The following SNX14 variants were observed in gnomAD, a reference collection of about 807,000 sequenced individuals.
The protein encoded by SNX14 is sorting nexin 14, also known as sorting nexin-14.
SNX14 carries 93 observed loss-of-function variants against 133.8 expected under a neutral mutation model. That is an observed-to-expected ratio of 0.70 (90% CI 0.59 to 0.83). SNX14 has a LOEUF of 0.83. Ranked by LOEUF, SNX14 falls within the 40% of genes least tolerant of loss-of-function variation. SNX14 has a pLI of 0.00. For synonymous variants in SNX14, 368 were observed against 365.6 expected (o/e 1.01, Z -0.07); for missense variants, 945 against 1,094.9 (o/e 0.86, Z 1.93).
intron 18 of SNX14, among the ~76,000 whole-genome samples, chr6:85,531,806 G>A (rs1276535388): frequency 1.3e-5 from 2 of 152,054 alleles, no homozygotes; most frequent in South Asian, 2.1e-4. Flanking sequence ...CAGGAAGACC[G>A]CTTTGAGCCC....
At chr6:85,549,243 G>C (rs1786911016) in intron 8 of SNX14, among the ~76,000 whole-genome samples, 1 of 151,988 alleles carries the variant, frequency 6.6e-6, no homozygotes, top group Non-Finnish European at 1.5e-5. Flanking sequence ...ATTAGGGTAA[G>C]AGTAACAAGG....
chr6:85,587,469 TA>T (rs940290506), intron 1 of SNX14, among the ~76,000 whole-genome samples: 1 of 152,188 alleles, frequency 6.6e-6, no homozygotes, highest in Non-Finnish European at 1.5e-5. Flanking sequence ...AAATAACTTT[TA>T]AAAAATTTTT....
At chr6:85,571,678 T>C (rs1795656993) in intron 4 of SNX14, among the ~76,000 whole-genome samples, 1 of 152,154 alleles carries the variant, frequency 6.6e-6, no homozygotes, top group African/African-American at 2.4e-5. Context: ...GAAATCTGAC[T>C]ATAACAAAGA....
At chr6:85,544,879 T>C (rs1399089646) in intron 12 of SNX14, among the ~76,000 whole-genome samples, 2 of 152,182 alleles carry the variant, frequency 1.3e-5, no homozygotes. Context: ...CAGAAAGAAA[T>C]GAAGAGCACC....
At chr6:85,573,877 C>T (rs1181867904) in intron 2 of SNX14, among the ~76,000 whole-genome samples, 1 of 152,162 alleles carries the variant, frequency 6.6e-6, no homozygotes, top group African/African-American at 2.4e-5. Flanking sequence ...TTATTGTCCT[C>T]ACGGTTAATA....
At chr6:85,584,429 A>G (rs1025604935) in intron 1 of SNX14, among the ~76,000 whole-genome samples, 1 of 152,234 alleles carries the variant, frequency 6.6e-6, no homozygotes, top group Non-Finnish European at 1.5e-5. Context: ...GCTTCTGCAC[A>G]GCAAAAGAAA....
intron 1 of SNX14, 133 bp from the exon 2 acceptor site, chr6:85,574,511 A>AT: frequency 1.8e-6 from 1 of 555,452 alleles, no homozygotes; most frequent in East Asian, 3.0e-5. Context: ...ATTATGATTA[A>AT]TTTTTTGTAA....
intron 8 of SNX14, 71 bp downstream of exon 8, chr6:85,549,652 C>T (rs968568738): frequency 1.5e-6 from 2 of 1,375,446 alleles, no homozygotes; most frequent in African/African-American, 3.0e-5. Context: ...ATATGCCTAT[C>T]ATAACCAAAA....
intron 19 of SNX14, among the ~76,000 whole-genome samples, chr6:85,528,580 G>A (rs939980309): frequency 1.3e-5 from 2 of 152,110 alleles, no homozygotes; most frequent in African/African-American, 4.8e-5. Flanking sequence ...TATTACTCTT[G>A]TAACAATCAC....
At chr6:85,566,605 G>A (rs1265543484) in intron 5 of SNX14, among the ~76,000 whole-genome samples, 2 of 152,018 alleles carry the variant, frequency 1.3e-5, no homozygotes, top group Non-Finnish European at 2.9e-5. Flanking sequence ...GGCTGAGGTG[G>A]GAGGATTGCT....
chr6:85,514,481 A>T, intron 24 of SNX14, 25 bp downstream of exon 24: 1 of 1,603,558 alleles, frequency 6.2e-7, no homozygotes, highest in Non-Finnish European at 8.5e-7. Flanking sequence ...AATGAAAAAC[A>T]AGTCTTAAAC....
At chr6:85,574,886 G>A (rs953999497) in intron 1 of SNX14, among the ~76,000 whole-genome samples, 2 of 152,026 alleles carry the variant, frequency 1.3e-5, no homozygotes, top group East Asian at 1.9e-4. Context: ...GTGATATTAC[G>A]ACAGAAAGTC....
At chr6:85,548,073 G>A (rs1483796236) in intron 9 of SNX14, among the ~76,000 whole-genome samples, 4 of 152,162 alleles carry the variant, frequency 2.6e-5, no homozygotes, top group Non-Finnish European at 4.4e-5. Flanking sequence ...AAGCAGAATG[G>A]TGGTTGCCAG....
rs771871094 is a variant in SNX14 at position 85,543,240 on chromosome 6, T to G, written c.1331A>C (p.Glu444Ala). The part of the protein sequence containing the change: ...QTMRCLFEAY[E>A]HVLSLLENVF... Reference sequence around the variant, plus strand: ...ATTCTCCAAAAGGGAAAGAACATGTTCATATGCTTCAAAAAGACATCTCAT... The same window carrying G: ...ATTCTCCAAAAGGGAAAGAACATGTGCATATGCTTCAAAAAGACATCTCAT... Residue 444 changes from glutamate to alanine, a missense_variant, in exon 14 of 29, where the codon GAA becomes GCA. By Grantham distance (107) the Glu-to-Ala change is moderately radical (BLOSUM62 -1). Coordinates refer to ENST00000314673, the MANE Select transcript of SNX14 (RefSeq NM_153816.6). 1 of 1,604,166 alleles carries G rather than the reference T, an allele frequency of 6.2e-7. No homozygotes were observed. The highest frequency in any genetic ancestry group is 8.5e-7 in the Non-Finnish European group (1 of 1,176,172).
chr6:85,536,840 C>G lies in SNX14; in HGVS notation c.1560G>C (p.Glu520Asp), dbSNP rs529054753. 5.0e-6 allele frequency: 8 copies of G among 1,613,378 alleles called. No homozygotes were observed. In the East Asian group the frequency reaches 1.3e-4, roughly 27 times the overall value. ...CACCATAATTAGGCAACATAGCTCC[C>G]TCCATTGTGGTACTTTTGAATACTC... ...IKGVFKSTTM[E>D]GAMLPNYGVA... is the part of the protein sequence containing the mutation. Residue 520 changes from glutamate to aspartate, a missense_variant, in exon 17 of 29, where the codon GAG (glutamate) becomes GAC (aspartate). Physicochemically the swap from Glu to Asp is conservative, Grantham distance 45 (BLOSUM62 2). This residue lies in a region of SNX14 where 412 missense variants were observed against 516.6 expected (regional missense o/e 0.80). Coordinates refer to ENST00000314673, the MANE Select transcript of SNX14 (RefSeq NM_153816.6).
At chr6:85,561,829 T>G (rs747448691) in intron 6 of SNX14, among the ~76,000 whole-genome samples, 11 of 152,078 alleles carry the variant, frequency 7.2e-5, no homozygotes, top group Non-Finnish European at 1.5e-4. Flanking sequence ...TTTTTTGTTT[T>G]TTTTTTTTTC....
At chr6:85,519,585 T>C (rs563119690) in intron 21 of SNX14, among the ~76,000 whole-genome samples, 4 of 152,196 alleles carry the variant, frequency 2.6e-5, no homozygotes, top group Admixed American at 1.3e-4. Flanking sequence ...ACTATGATTG[T>C]GTTGGCTGGG....
At chr6:85,515,284 A>AC (rs1774542114) in intron 23 of SNX14, among the ~76,000 whole-genome samples, 1 of 149,884 alleles carries the variant, frequency 6.7e-6, no homozygotes, top group Non-Finnish European at 1.5e-5. Flanking sequence ...AAAAAAAAAA[A>AC]AAACACTAAC....
At chr6:85,583,795 T>C (rs956610200) in intron 1 of SNX14, among the ~76,000 whole-genome samples, 2 of 152,008 alleles carry the variant, frequency 1.3e-5, no homozygotes, top group African/African-American at 4.8e-5. Context: ...ATAGGAAGAA[T>C]CAATATCGTG....
Sources: gnomAD v4.1 joint callset for allele counts (sites outside exome capture counted in the v4.1 genomes callset) on GRCh38, gnomAD v4.1.1 for gene constraint, gnomAD v4.1.1 regional missense constraint, MANE v1.5 for transcripts, NCBI Gene and HGNC (gene_info 2026-07-23, HGNC 2026-07-21) for gene names.